TCERG1L: variants seen among roughly 807,000 people sequenced by gnomAD.
TCERG1L encodes the protein transcription elongation regulator 1 like.
In TCERG1L, 37 loss-of-function variants were observed where a neutral mutation model predicts 56.3. The ratio of observed to expected loss-of-function variants is 0.66; its 90% CI spans 0.51 to 0.87. The LOEUF is 0.87. Ranked by LOEUF, TCERG1L falls within the 40% of genes least tolerant of loss-of-function variation. The pLI is 0.00. For synonymous variants in TCERG1L, 324 were observed against 326.3 expected, an observed-to-expected ratio of 0.99 and a Z score of 0.08; for missense variants, 799 against 774.2, an observed-to-expected ratio of 1.03 and a Z score of -0.38.
At chr10:131,239,700 C>T (rs569932058) in intron 4 of TCERG1L, among the ~76,000 whole-genome samples, 1 of 152,280 alleles carries the variant, frequency 6.6e-6, no homozygotes, top group South Asian at 2.1e-4. Flanking sequence ...GCTACACCCA[C>T]GATAGATTGC....
At chr10:131,291,704 G>A (rs1189689561) in intron 3 of TCERG1L, among the ~76,000 whole-genome samples, 1 of 151,608 alleles carries the variant, frequency 6.6e-6, no homozygotes, top group Admixed American at 6.6e-5. Context: ...AGGATTACAG[G>A]CGTGAGCCAC....
chr10:131,261,548 G>T (rs573684206), intron 3 of TCERG1L, among the ~76,000 whole-genome samples: 2 of 152,248 alleles, frequency 1.3e-5, no homozygotes, highest in South Asian at 4.1e-4. Flanking sequence ...GTTAGTGCCA[G>T]AGCGAGGTCT....
intron 4 of TCERG1L, among the ~76,000 whole-genome samples, chr10:131,215,703 C>G (rs993521971): frequency 6.6e-6 from 1 of 152,084 alleles, no homozygotes; most frequent in Admixed American, 6.5e-5. Context: ...GGAAGTCAGC[C>G]CTCTGGAGCT....
Position 131,309,834 on chromosome 10 carries a change from C to CAAAAAAAAA in TCERG1L, c.343-544_343-536dup, listed in dbSNP as rs58892586. On this transcript the variant is annotated intron_variant, in intron 1 of 11. Transcript: ENST00000368642. The stretch of plus-strand genomic sequence containing the variant: ...TCACCAATACAAATAGATTCTATGG[C>CAAAAAAAAA]AAAAAAAAAAAAAAAAAAAAAAAAA... 6.8e-4 allele frequency among the ~76,000 whole-genome samples: 34 copies of CAAAAAAAAA among 49,848 alleles called. 1 individual carries two copies. The highest frequency in any genetic ancestry group is 1.2e-3 in the African/African-American group (14 of 11,770). The allele number at this position is 49,848 out of a possible 152,430, so 32.7% of individuals were successfully genotyped here.
At chr10:131,175,179 C>CAA (rs10673649) in intron 4 of TCERG1L, among the ~76,000 whole-genome samples, 151,988 of 152,298 alleles carry the variant, frequency 1, 75,841 homozygotes, top group Non-Finnish European at 1. Context: ...AGGCTTCTGA[C>CAA]AGAGGCCAGC....
In TCERG1L at chr10:131,260,517, C is replaced by G; in HGVS notation, c.671-73G>C. 3.8e-6 allele frequency: 5 copies of G among 1,313,566 alleles called. No individual in the cohort carries two copies. The highest frequency in any genetic ancestry group is 4.9e-6 in the Non-Finnish European group (5 of 1,028,964). 81.4% of individuals were successfully genotyped at this position (1,313,566 alleles called of 1,614,324 possible). ...TGGGTGACAGATGCCCATCTCGCTACCGCAAGATATCAGCCCCCAGAAAAC... is the reference window on the plus strand; with the variant it reads ...TGGGTGACAGATGCCCATCTCGCTAGCGCAAGATATCAGCCCCCAGAAAAC... On this transcript the variant is annotated intron_variant, in intron 3 of 11. Coordinates refer to ENST00000368642, the MANE Select transcript of TCERG1L (RefSeq NM_174937.4). This position sits in a 1 kb window ranked among gnomAD's most constrained non-coding sequence, Gnocchi z 5.8.
intron 4 of TCERG1L, among the ~76,000 whole-genome samples, chr10:131,235,094 A>G (rs7085348): frequency 0.42 from 63,529 of 152,078 alleles, 13,741 homozygotes; most frequent in East Asian, 0.54. Flanking sequence ...GGCCCAGGGT[A>G]CCACAGGCAG....
At chr10:131,176,893 CACAG>C (rs1323135995) in intron 4 of TCERG1L, among the ~76,000 whole-genome samples, 14 of 97,166 alleles carry the variant, frequency 1.4e-4, no homozygotes, top group South Asian at 4.3e-4. Context: ...CACATGCACA[CACAG>C]ACACATTCAC....
At chr10:131,203,853 G>A (rs1845483719) in intron 4 of TCERG1L, among the ~76,000 whole-genome samples, 3 of 152,334 alleles carry the variant, frequency 2.0e-5, no homozygotes, top group Non-Finnish European at 2.9e-5. Context: ...GGCATCTTAA[G>A]GGGACAGCTG....
At chr10:131,279,998 A>G (rs1451949173) in intron 3 of TCERG1L, among the ~76,000 whole-genome samples, 1 of 152,164 alleles carries the variant, frequency 6.6e-6, no homozygotes, top group Non-Finnish European at 1.5e-5. Flanking sequence ...AGCCCCGAAA[A>G]TCAGAGAGAG....
chr10:131,222,209 A>C (rs1254248841), intron 4 of TCERG1L, among the ~76,000 whole-genome samples: 1 of 152,048 alleles, frequency 6.6e-6, no homozygotes, highest in Admixed American at 6.5e-5. Flanking sequence ...GAGAAATACA[A>C]CTATTCATCA....
chr10:131,273,701 G>A (rs1004320350), intron 3 of TCERG1L, among the ~76,000 whole-genome samples: 7 of 152,216 alleles, frequency 4.6e-5, no homozygotes, highest in African/African-American at 1.4e-4. Context: ...CCCCATCTTC[G>A]CAGTGGGTGG....
At chr10:131,294,419 T>C (rs900508654) in intron 3 of TCERG1L, among the ~76,000 whole-genome samples, 2 of 152,172 alleles carry the variant, frequency 1.3e-5, no homozygotes, top group Non-Finnish European at 2.9e-5. Flanking sequence ...TTGCCCATTA[T>C]CTCTTTAAAA....
At chr10:131,223,307 A>G (rs536518291) in intron 4 of TCERG1L, among the ~76,000 whole-genome samples, 1 of 152,258 alleles carries the variant, frequency 6.6e-6, no homozygotes, top group South Asian at 2.1e-4. Context: ...GCAGACCCCA[A>G]TCCAGGCGTC....
chr10:131,202,348 G>A (rs184321922), intron 4 of TCERG1L, among the ~76,000 whole-genome samples: 30 of 152,338 alleles, frequency 2.0e-4, no homozygotes, highest in African/African-American at 5.5e-4. Flanking sequence ...TTGGGAGGCC[G>A]AGGAGGGCGG....
At chr10:131,128,922 C>A (rs1044866371) in intron 8 of TCERG1L, among the ~76,000 whole-genome samples, 7 of 152,102 alleles carry the variant, frequency 4.6e-5, no homozygotes, top group African/African-American at 1.4e-4. Context: ...TCGGCTCTGA[C>A]GGCAGATTTA....
At chr10:131,266,796 C>G (rs115970304) in intron 3 of TCERG1L, among the ~76,000 whole-genome samples, 314 of 152,264 alleles carry the variant, frequency 2.1e-3, no homozygotes, top group Middle Eastern at 0.014. Context: ...CTCTCTGTGG[C>G]TGGTCGTCCC....
intron 1 of TCERG1L, among the ~76,000 whole-genome samples, chr10:131,310,857 G>C (rs941038036): frequency 2.0e-5 from 3 of 152,182 alleles, no homozygotes; most frequent in African/African-American, 4.8e-5. Flanking sequence ...ATTAGAATCT[G>C]AAACAGCTGA....
intron 4 of TCERG1L, among the ~76,000 whole-genome samples, chr10:131,190,237 C>G (rs115800316): frequency 1.3e-5 from 2 of 152,022 alleles, no homozygotes; most frequent in African/African-American, 2.4e-5. Context: ...GAAATAGAAA[C>G]GCTGAGCACA....
Sources: allele counts gnomAD v4.1 joint callset (sites outside exome capture counted in the v4.1 genomes callset), GRCh38; gene constraint gnomAD v4.1.1; non-coding constraint Gnocchi (gnomAD v3.1); transcripts MANE v1.5; gene names NCBI Gene and HGNC (gene_info 2026-07-23, HGNC 2026-07-21).